Variants in COA1 observed in about 807,000 individuals in gnomAD.
COA1 encodes the protein cytochrome c oxidase assembly factor 1 homolog.
In COA1, 13 loss-of-function variants were observed where a neutral mutation model predicts 16.0. That is an observed-to-expected ratio of 0.81 (90% CI 0.53 to 1.29). The LOEUF (loss-of-function observed/expected upper bound fraction) is 1.29. Among genes scored for constraint, COA1 ranks in the 50% most tolerant of loss-of-function variants. The pLI, the probability that COA1 is intolerant of heterozygous loss-of-function variation, is 0.00. For missense variants in COA1, 179 were observed against 177.0 expected (o/e 1.01, Z -0.06); for synonymous variants, 65 against 65.7 (o/e 0.99, Z 0.05).
intron 1 of COA1, among the ~76,000 whole-genome samples, chr7:43,722,087 G>C (rs1328655556): frequency 8.1e-6 from 1 of 123,642 alleles, no homozygotes. Context: ...GTTGATTCTG[G>C]TAACTTTTTT....
At chr7:43,627,552 T>C (rs147688275) in intron 6 of COA1, among the ~76,000 whole-genome samples, 1 of 152,266 alleles carries the variant, frequency 6.6e-6, no homozygotes, top group African/African-American at 2.4e-5. Flanking sequence ...AGCAGACTAA[T>C]CCTAAATACA....
chr7:43,613,350 C>G (rs1407470755), intron 6 of COA1, among the ~76,000 whole-genome samples: 2 of 152,024 alleles, frequency 1.3e-5, no homozygotes, highest in African/African-American at 2.4e-5. Flanking sequence ...TCTGAGTAAC[C>G]TAGAGATGAT....
chr7:43,691,265 A>AAAGAAAAGAAAGAAAAGAAAGAAAG (rs1450949783), intron 1 of COA1, among the ~76,000 whole-genome samples: 1 of 45,932 alleles, frequency 2.2e-5, no homozygotes, highest in African/African-American at 9.1e-5. Flanking sequence ...AGAAAGAAAG[A>AAAGAAAAGAAAGAAAAGAAAGAAAG]AAAGAAAGAA....
At chr7:43,627,776 C>T (rs1296347757) in intron 6 of COA1, among the ~76,000 whole-genome samples, 1 of 152,116 alleles carries the variant, frequency 6.6e-6, no homozygotes, top group Non-Finnish European at 1.5e-5. Flanking sequence ...ATGTACAGAT[C>T]TAAATCCATA....
At chr7:43,632,003 C>T (rs2085224348) in intron 6 of COA1, 1 of 152,186 alleles carries the variant, frequency 6.6e-6, no homozygotes, top group Admixed American at 6.5e-5. Flanking sequence ...TAAAGTAAGA[C>T]AACAGTGAAG....
At chr7:43,653,291 G>A (rs879462267) in intron 1 of COA1, among the ~76,000 whole-genome samples, 8 of 151,096 alleles carry the variant, frequency 5.3e-5, no homozygotes, top group African/African-American at 1.2e-4. Context: ...CAGCCTGGGC[G>A]ACAAAGCGAC....
At chr7:43,658,759 G>A (rs530857311) in intron 1 of COA1, 3 of 152,354 alleles carry the variant, frequency 2.0e-5, no homozygotes, top group East Asian at 1.9e-4. Flanking sequence ...AGTGAAGAAC[G>A]GCACCTCTGC....
chr7:43,722,830 A>G (rs1198483731), intron 1 of COA1, among the ~76,000 whole-genome samples: 1 of 151,176 alleles, frequency 6.6e-6, no homozygotes, highest in Non-Finnish European at 1.5e-5. Context: ...AAGTGACATC[A>G]AAGTTCCACG....
intron 1 of COA1, among the ~76,000 whole-genome samples, chr7:43,687,882 G>C (rs2094112418): frequency 6.6e-6 from 1 of 152,106 alleles, no homozygotes; most frequent in Non-Finnish European, 1.5e-5. Context: ...ATCTCATCTT[G>C]AATTCTATCT....
chr7:43,697,070 A>G (rs2690382), intron 1 of COA1, among the ~76,000 whole-genome samples: 151,712 of 151,938 alleles, frequency 1, 75,743 homozygotes, highest in Middle Eastern at 1. Context: ...GCTGCAGTGA[A>G]TCGAGATCAT....
At chr7:43,692,526 A>AC (rs975696956) in intron 1 of COA1, among the ~76,000 whole-genome samples, 1 of 151,964 alleles carries the variant, frequency 6.6e-6, no homozygotes, top group Non-Finnish European at 1.5e-5. Flanking sequence ...TTAAAAAACA[A>AC]AACAACAACA....
At chr7:43,721,364 A>G (rs896128744) in intron 1 of COA1, among the ~76,000 whole-genome samples, 1 of 152,214 alleles carries the variant, frequency 6.6e-6, no homozygotes, top group Admixed American at 6.5e-5. Flanking sequence ...AAAAGCCACA[A>G]TCTTTATTAG....
At chr7:43,644,659 TG>T (rs978308678) in intron 4 of COA1, among the ~76,000 whole-genome samples, 1 of 151,608 alleles carries the variant, frequency 6.6e-6, no homozygotes, top group African/African-American at 2.4e-5. Context: ...CCTGGGTAGC[TG>T]GGATTATAGG....
chr7:43,677,378 A>C (rs1674175911), intron 1 of COA1, among the ~76,000 whole-genome samples: 1 of 152,264 alleles, frequency 6.6e-6, no homozygotes, highest in African/African-American at 2.4e-5. Flanking sequence ...GTATGAACTT[A>C]TTTAATGACC....
At chr7:43,637,090 T>TCC (rs2086006681), downstream of COA1, among the ~76,000 whole-genome samples, 2 of 152,328 alleles carry the variant, frequency 1.3e-5, no homozygotes, top group Admixed American at 6.5e-5. Flanking sequence ...TGTTGTGCTC[T>TCC]CCATCATGTC....
intron 1 of COA1, among the ~76,000 whole-genome samples, chr7:43,657,613 C>T (rs1324958853): frequency 2.0e-5 from 3 of 152,040 alleles, no homozygotes; most frequent in Admixed American, 1.3e-4. Flanking sequence ...CATTTATGGA[C>T]CTTACCCTGT....
At chr7:43,617,306 G>C (rs1191022156) in intron 6 of COA1, among the ~76,000 whole-genome samples, 1 of 152,194 alleles carries the variant, frequency 6.6e-6, no homozygotes, top group Non-Finnish European at 1.5e-5. Flanking sequence ...TAATACAAAA[G>C]AACCTTCTGG....
chr7:43,616,964 T>G (rs1361648102), intron 6 of COA1, among the ~76,000 whole-genome samples: 1 of 152,186 alleles, frequency 6.6e-6, no homozygotes, highest in Non-Finnish European at 1.5e-5. Flanking sequence ...TCTATGGAAA[T>G]TGTTGTAATC....
intron 1 of COA1, among the ~76,000 whole-genome samples, chr7:43,715,820 T>A (rs1258226128): frequency 2.0e-5 from 3 of 152,192 alleles, no homozygotes; most frequent in Non-Finnish European, 4.4e-5. Flanking sequence ...TCATCCTGAA[T>A]CGTACTCCCA....
Sources: allele counts gnomAD v4.1 joint callset (sites outside exome capture counted in the v4.1 genomes callset), GRCh38; gene constraint gnomAD v4.1.1; transcripts MANE v1.5; gene names NCBI Gene and HGNC (gene_info 2026-07-23, HGNC 2026-07-21).